Variants in ZMIZ1 observed in about 807,000 individuals in gnomAD.
The protein encoded by ZMIZ1 is zinc finger MIZ-type containing 1.
ZMIZ1 carries 17 observed loss-of-function variants against 113.9 expected under a neutral mutation model. The ratio of observed to expected loss-of-function variants is 0.15; its 90% CI spans 0.10 to 0.22. The LOEUF (loss-of-function observed/expected upper bound fraction) is 0.22. ZMIZ1 is among the 10% of genes least tolerant of loss of function. ZMIZ1 has a pLI of 1.00. For synonymous variants in ZMIZ1, 607 were observed against 603.1 expected (o/e 1.01, Z -0.09); for missense variants, 1,059 against 1,477.8 (o/e 0.72, Z 4.65).
At chr10:79,204,763 T>C (rs12262328) in intron 5 of ZMIZ1, among the ~76,000 whole-genome samples, 1 of 152,042 alleles carries the variant, frequency 6.6e-6, no homozygotes, top group East Asian at 1.9e-4. Flanking sequence ...TATGGGCAGA[T>C]AGTTAGATGG....
intron 11 of ZMIZ1, chr10:79,292,703 G>A: frequency 4.2e-6 from 2 of 477,352 alleles, no homozygotes; most frequent in South Asian, 3.2e-5. Flanking sequence ...TCTAAAAATA[G>A]TCTTGTGACC....
At position 79,084,917 on chromosome 10, in the gene ZMIZ1, A is replaced by G. The variant is rs1460552715; in HGVS notation, c.-337+15647A>G. On this transcript the variant is annotated intron_variant, in intron 1 of 24. Coordinates refer to ENST00000334512, the MANE Select transcript of ZMIZ1 (RefSeq NM_020338.4). ...GCAGGAGGGTGGGTTGGTAGGGATA[A>G]TCCAGGCCGGCTCACTCTGGCCTGA... Among the ~76,000 whole-genome samples, 3 of 152,062 alleles carry G rather than the reference A, an allele frequency of 2.0e-5. No individual in the cohort carries two copies. The East Asian group carries it at 5.8e-4, about 30-fold the overall frequency.
At chr10:79,282,715 G>C (rs916280080) in intron 8 of ZMIZ1, among the ~76,000 whole-genome samples, 2 of 152,240 alleles carry the variant, frequency 1.3e-5, no homozygotes, top group African/African-American at 4.8e-5. Flanking sequence ...AAAGGGTCAG[G>C]CTGCCATAGC....
chr10:79,070,156 A>AGGGGGGGGGGGGGGGGGGGG (rs1842214538), intron 1 of ZMIZ1, among the ~76,000 whole-genome samples: 1 of 51,182 alleles, frequency 2.0e-5, no homozygotes, highest in Non-Finnish European at 4.9e-5. Context: ...CGGGGGGGGG[A>AGGGGGGGGGGGGGGGGGGGG]GGCGGGTTCT....
intron 8 of ZMIZ1, 147 bp downstream of exon 8, chr10:79,277,472 G>A (rs1250539): frequency 0.5 from 517,190 of 1,036,922 alleles, 132,866 homozygotes; most frequent in African/African-American, 0.73. Flanking sequence ...TTACATCTTC[G>A]TGGGTGAGCC....
intron 2 of ZMIZ1, among the ~76,000 whole-genome samples, chr10:79,125,186 G>A (rs147051691): frequency 2.6e-5 from 4 of 152,290 alleles, no homozygotes; most frequent in African/African-American, 7.2e-5. Flanking sequence ...AAGATAAAGC[G>A]ACCGACGATG....
At chr10:79,090,346 GC>G (rs1842948257) in intron 1 of ZMIZ1, among the ~76,000 whole-genome samples, 1 of 152,186 alleles carries the variant, frequency 6.6e-6, no homozygotes, top group Non-Finnish European at 1.5e-5. Flanking sequence ...GGACCTGGAG[GC>G]CCCCTGTGGC....
chr10:79,290,770 C>T (rs1165135456), intron 9 of ZMIZ1, 189 bp from the exon 10 acceptor site: 1 of 738,014 alleles, frequency 1.4e-6, no homozygotes, highest in South Asian at 1.5e-5. Context: ...CCCCACGCCA[C>T]CTGCCGCCCA....
chr10:79,231,855 G>A (rs1392944470), intron 7 of ZMIZ1, among the ~76,000 whole-genome samples: 1 of 152,240 alleles, frequency 6.6e-6, no homozygotes, highest in East Asian at 1.9e-4. Context: ...TGGGATTACA[G>A]GCATGAGCCA....
chr10:79,089,911 G>A (rs886579757), intron 1 of ZMIZ1, among the ~76,000 whole-genome samples: 2 of 152,208 alleles, frequency 1.3e-5, no homozygotes, highest in African/African-American at 4.8e-5. Context: ...GCGCCGGAGT[G>A]TAATTTTATT....
At chr10:79,088,098 C>T (rs576143259) in intron 1 of ZMIZ1, among the ~76,000 whole-genome samples, 33 of 152,248 alleles carry the variant, frequency 2.2e-4, no homozygotes, top group Non-Finnish European at 4.6e-4. Context: ...CATGGTCTGA[C>T]CCCTGGCCCC....
rs1030662606 is a variant in ZMIZ1 at position 79,314,008 on chromosome 10, G to A, written c.*1259G>A. The stretch of plus-strand genomic sequence containing the variant: ...CACCAGTATGTACCTGCAGGCATGG[G>A]GGGGAGGGGGGCGTGTTTCTGGGCC... On this transcript the variant is annotated 3_prime_UTR_variant, in exon 25 of 25. Coordinates refer to ENST00000334512, the MANE Select transcript of ZMIZ1 (RefSeq NM_020338.4). 8.8e-6 allele frequency: 4 copies of A among 456,054 alleles called. No homozygotes were observed. The highest frequency in any genetic ancestry group is 4.7e-5 in the South Asian group (3 of 64,516). 28.3% of individuals were successfully genotyped at this position (456,054 alleles called of 1,614,324 possible). A position where few individuals can be genotyped will look rare whatever the true frequency, so the allele number is the denominator to read the frequency against.
At position 79,216,186 on chromosome 10, in the gene ZMIZ1, A is replaced by C. The variant is rs772271904; in HGVS notation, c.192A>C (p.Ala64=). 5.9e-6 allele frequency: 9 copies of C among 1,513,230 alleles called. No individual in the cohort carries two copies. The South Asian group carries it at 8.9e-5, about 15-fold the overall frequency. The allele number at this position is 1,513,230 out of a possible 1,614,324, so 93.7% of individuals were successfully genotyped here. A position where few individuals can be genotyped will look rare whatever the true frequency, so the allele number is the denominator to read the frequency against. The stretch of plus-strand genomic sequence containing the variant: ...GCTTTCAGGTGGTCAGTCGGGTGGC[A>C]GCCCAGCAAGGCTTTGACCTGGACC... ...MGCLTVVSRV[A]AQQGFDLDLG... Residue 64 remains alanine, a synonymous_variant, in exon 7 of 25, where the codon GCA becomes GCC. Transcript: ENST00000334512.
chr10:79,158,009 C>A (rs1845971205), intron 3 of ZMIZ1, among the ~76,000 whole-genome samples: 1 of 152,320 alleles, frequency 6.6e-6, no homozygotes, highest in East Asian at 1.9e-4. Flanking sequence ...GTTCCGCCAG[C>A]TTGGCCAGGG....
intron 4 of ZMIZ1, among the ~76,000 whole-genome samples, chr10:79,162,518 G>T (rs1846155388): frequency 6.6e-6 from 1 of 152,200 alleles, no homozygotes; most frequent in African/African-American, 2.4e-5. Flanking sequence ...GCTGAAATGG[G>T]TGCAGGGCTA....
chr10:79,202,775 C>T (rs978246963), intron 5 of ZMIZ1, among the ~76,000 whole-genome samples: 1 of 152,246 alleles, frequency 6.6e-6, no homozygotes, highest in Non-Finnish European at 1.5e-5. Flanking sequence ...CTTCCCTGCA[C>T]AGACCCACGA....
intron 1 of ZMIZ1, among the ~76,000 whole-genome samples, chr10:79,102,924 A>C (rs1843415010): frequency 6.6e-6 from 1 of 152,236 alleles, no homozygotes; most frequent in South Asian, 2.1e-4. Flanking sequence ...ATTGGATAGA[A>C]AGCAGGAAAC....
At chr10:79,082,380 C>A (rs1842687664) in intron 1 of ZMIZ1, among the ~76,000 whole-genome samples, 2 of 152,244 alleles carry the variant, frequency 1.3e-5, no homozygotes, top group Admixed American at 1.3e-4. Flanking sequence ...GACCCCACGC[C>A]CAGCTTTTTG....
chr10:79,183,475 G>C (rs528080622), intron 4 of ZMIZ1, among the ~76,000 whole-genome samples: 1 of 152,206 alleles, frequency 6.6e-6, no homozygotes, highest in East Asian at 1.9e-4. Flanking sequence ...GGAAAAACTT[G>C]GGCCCCTAAA....
Sources: gnomAD v4.1 joint callset for allele counts (sites outside exome capture counted in the v4.1 genomes callset) on GRCh38, gnomAD v4.1.1 for gene constraint, MANE v1.5 for transcripts, NCBI Gene and HGNC (gene_info 2026-07-23, HGNC 2026-07-21) for gene names.